The following NME7 variants were observed in gnomAD, a reference collection of about 807,000 sequenced individuals.
NME7 encodes the protein nucleoside diphosphate kinase 7.
A neutral mutation model predicts 49.1 loss-of-function variants in NME7; 41 were observed. That is an observed-to-expected ratio of 0.83 (90% CI 0.65 to 1.08). NME7 has a LOEUF of 1.08. Among genes scored for constraint, NME7 ranks in the 50% least tolerant of loss-of-function variants. The pLI is 0.00. For synonymous variants in NME7, 139 were observed against 150.6 expected (o/e 0.92, Z 0.56); for missense variants, 423 against 463.4 (o/e 0.91, Z 0.80).
At chr1:169,271,535 C>T (rs1649492125) in intron 7 of NME7, among the ~76,000 whole-genome samples, 1 of 133,296 alleles carries the variant, frequency 7.5e-6, no homozygotes, top group African/African-American at 2.5e-5. Flanking sequence ...AGCTCTTAAA[C>T]ATCTCAAGGT....
At chr1:169,249,008 T>A (rs1648444804) in intron 7 of NME7, among the ~76,000 whole-genome samples, 1 of 152,180 alleles carries the variant, frequency 6.6e-6, no homozygotes, top group Non-Finnish European at 1.5e-5. Context: ...TTGTTTTTTC[T>A]AATTCTGTGA....
At chr1:169,335,620 T>C (rs9887925) in intron 1 of NME7, among the ~76,000 whole-genome samples, 52,896 of 150,886 alleles carry the variant, frequency 0.35, 10,390 homozygotes, top group Non-Finnish European at 0.44. Context: ...CCATGGCACA[T>C]GTGTACCTAT....
chr1:169,238,516 C>CACACACACACACA (rs570785181), intron 7 of NME7, among the ~76,000 whole-genome samples: 3 of 149,654 alleles, frequency 2.0e-5, no homozygotes, highest in East Asian at 2.0e-4. Flanking sequence ...CACACACACA[C>CACACACACACACA]CATATTCTGG....
chr1:169,337,691 T>C (rs1161787808), intron 1 of NME7, among the ~76,000 whole-genome samples: 1 of 152,232 alleles, frequency 6.6e-6, no homozygotes, highest in East Asian at 1.9e-4. Flanking sequence ...CAAACAAGCA[T>C]AGTAATTCAC....
At chr1:169,337,418 C>T (rs1344832406) in intron 1 of NME7, among the ~76,000 whole-genome samples, 2 of 152,186 alleles carry the variant, frequency 1.3e-5, no homozygotes, top group Non-Finnish European at 2.9e-5. Flanking sequence ...CCAGCTGGCC[C>T]GCAAGCGCCG....
At chr1:169,354,825 T>A (rs1165424899) in intron 1 of NME7, among the ~76,000 whole-genome samples, 1 of 136,012 alleles carries the variant, frequency 7.4e-6, no homozygotes, top group East Asian at 2.0e-4. Context: ...ATAATATATA[T>A]AATACATAAT....
chr1:169,258,136 G>T (rs1649029950), intron 7 of NME7, among the ~76,000 whole-genome samples: 1 of 130,062 alleles, frequency 7.7e-6, no homozygotes, highest in African/African-American at 2.6e-5. Flanking sequence ...CCAGGAGTTT[G>T]TGGCCAGCCT....
intron 1 of NME7, among the ~76,000 whole-genome samples, chr1:169,329,041 C>G (rs1652165779): frequency 6.6e-6 from 1 of 152,018 alleles, no homozygotes; most frequent in South Asian, 2.1e-4. Context: ...CCAAATAAAC[C>G]AAATAAGGCA....
intron 10 of NME7, among the ~76,000 whole-genome samples, chr1:169,173,614 A>T (rs1334574577): frequency 6.6e-6 from 1 of 152,182 alleles, no homozygotes; most frequent in Non-Finnish European, 1.5e-5. Context: ...ATATGCTTAT[A>T]AAGTAAAAAA....
chr1:169,209,886 G>T (rs1660765664), intron 10 of NME7, among the ~76,000 whole-genome samples: 1 of 152,088 alleles, frequency 6.6e-6, no homozygotes, highest in African/African-American at 2.4e-5. Context: ...CAGAATAAAT[G>T]AAAATCTTTC....
At chr1:169,194,382 T>C (rs576533068) in intron 10 of NME7, among the ~76,000 whole-genome samples, 1 of 152,306 alleles carries the variant, frequency 6.6e-6, no homozygotes, top group East Asian at 1.9e-4. Flanking sequence ...GAGTCACAGA[T>C]GGTAAAGTTC....
At chr1:169,148,736 C>A (rs1344567752) in intron 11 of NME7, among the ~76,000 whole-genome samples, 2 of 152,214 alleles carry the variant, frequency 1.3e-5, no homozygotes, top group African/African-American at 4.8e-5. Flanking sequence ...TCTCCTCAGT[C>A]TTCCAGAGCC....
At chr1:169,190,901 C>T (rs1660206738) in intron 10 of NME7, among the ~76,000 whole-genome samples, 2 of 82,922 alleles carry the variant, frequency 2.4e-5, no homozygotes, top group South Asian at 3.9e-4. Flanking sequence ...CAAGCTCCGC[C>T]TCCCGGGTTC....
At position 169,271,417 on chromosome 1, in the gene NME7, CTG is replaced by C. The variant is rs1490792766; in HGVS notation, c.754+15884_754+15885del. On this transcript the variant is annotated intron_variant, in intron 7 of 11. Coordinates refer to ENST00000367811, the MANE Select transcript of NME7 (RefSeq NM_013330.5). ...CTCAAACAACTCATTTATCAAACAA[CTG>C]TGTATTTACAAGACTTGGTTAAGAT... Among the ~76,000 whole-genome samples the C allele has an allele frequency of 3.7e-5, 5 of 133,932 alleles. 1 individual carries two copies. The highest frequency in any genetic ancestry group is 3.5e-3 in the Middle Eastern group (1 of 282). 87.9% of individuals were successfully genotyped at this position (133,932 alleles called of 152,430 possible). A position where few individuals can be genotyped will look rare whatever the true frequency, so the allele number is the denominator to read the frequency against.
chr1:169,182,664 C>G (rs1244633693), intron 10 of NME7, among the ~76,000 whole-genome samples: 1 of 152,258 alleles, frequency 6.6e-6, no homozygotes, highest in East Asian at 1.9e-4. Context: ...TTTGTTTACC[C>G]TTCTGTCTTA....
In NME7 at chr1:169,298,607, A is replaced by G. The variant is rs776314999; in HGVS notation, c.597T>C (p.Asp199=). Residue 199 remains aspartate, a synonymous_variant, in exon 6 of 12, where the codon GAT becomes GAC. Coordinates refer to ENST00000367811, the MANE Select transcript of NME7 (RefSeq NM_013330.5). ...SESIRALFGT[D]GIRNAAHGPD... is the part of the protein sequence containing the mutation. ...GGCCATGCGCTGCATTTCTTATGCC[A>G]TCTGTTCCAAAGAGGGCTCTAATGC... The G allele has an allele frequency of 2.5e-6, 4 of 1,614,002 alleles. No homozygotes were observed. The South Asian group carries it at 3.3e-5, about 13-fold the overall frequency.
rs1571282084 is a variant in NME7 at position 169,195,933 on chromosome 1, A to T, written c.991-26379T>A. 4.6e-5 allele frequency among the ~76,000 whole-genome samples: 7 copies of T among 152,316 alleles called. No individual in the cohort carries two copies. The South Asian group carries it at 1.5e-3, about 32-fold the overall frequency. On this transcript the variant is annotated intron_variant, in intron 10 of 11. Coordinates refer to ENST00000367811, the MANE Select transcript of NME7 (RefSeq NM_013330.5). ...CTTACTTGTTACAGAAGAAAGTAAA[A>T]CCAAATATAGTAGGATAAGTAATTG...
intron 9 of NME7, among the ~76,000 whole-genome samples, chr1:169,233,926 CTTTG>C (rs1366740272): frequency 1.3e-5 from 2 of 150,748 alleles, no homozygotes; most frequent in Admixed American, 6.6e-5. Context: ...CCTTTTTTTC[CTTTG>C]TTTCTTTCTT....
At position 169,275,220 on chromosome 1, in the gene NME7, T is replaced by C. The variant is rs1473220014; in HGVS notation, c.754+12083A>G. Among the ~76,000 whole-genome samples the C allele has an allele frequency of 2.3e-5, 3 of 131,750 alleles. 1 individual carries two copies. The highest frequency in any genetic ancestry group is 7.7e-5 in the African/African-American group (3 of 39,052). The allele number at this position is 131,750 out of a possible 152,430, so 86.4% of individuals were successfully genotyped here. A position where few individuals can be genotyped will look rare whatever the true frequency, so the allele number is the denominator to read the frequency against. On this transcript the variant is annotated intron_variant, in intron 7 of 11. Coordinates refer to ENST00000367811, the MANE Select transcript of NME7 (RefSeq NM_013330.5). Reference sequence around the variant, plus strand: ...TCGGATTCCTACGTATTTTATTCTCTTTGAAGCAATTGTGAATGGGAGCTC... The same window carrying C: ...TCGGATTCCTACGTATTTTATTCTCCTTGAAGCAATTGTGAATGGGAGCTC...
Sources: allele counts gnomAD v4.1 joint callset (sites outside exome capture counted in the v4.1 genomes callset), GRCh38; gene constraint gnomAD v4.1.1; transcripts MANE v1.5; gene names NCBI Gene and HGNC (gene_info 2026-07-23, HGNC 2026-07-21).